Variants in COL7A1 observed in about 807,000 individuals in gnomAD.
COL7A1 encodes the protein collagen type VII alpha 1 chain.
A neutral mutation model predicts 456.2 loss-of-function variants in COL7A1; 296 were observed. The ratio of observed to expected loss-of-function variants is 0.65; its 90% CI spans 0.59 to 0.71. The LOEUF (loss-of-function observed/expected upper bound fraction) is 0.71, where lower values mean the gene tolerates loss of function less well. Ranked by LOEUF, COL7A1 falls within the 30% of genes least tolerant of loss-of-function variation. The pLI, the probability that COL7A1 is intolerant of heterozygous loss-of-function variation, is 0.00. For synonymous variants in COL7A1, 1,464 were observed against 1,525.9 expected, an observed-to-expected ratio of 0.96 and a Z score of 0.95; for missense variants, 3,441 against 4,017.2, an observed-to-expected ratio of 0.86 and a Z score of 3.88.
chr3:48,564,256 G>A lies in COL7A1; in HGVS notation c.*150C>T. On this transcript the variant is annotated 3_prime_UTR_variant, in exon 119 of 119. Coordinates refer to ENST00000681320, the MANE Select transcript of COL7A1 (RefSeq NM_000094.4). The surrounding 1 kb of genome is among the most constrained non-coding windows in gnomAD (Gnocchi z 6.0). The stretch of plus-strand genomic sequence containing the variant: ...GGTTTGTCCACAGGGGGGAAGGCTA[G>A]ACCCACGGGACCAAGTCACTGAAAT... 1.0e-6 allele frequency: 1 copy of A among 955,156 alleles called. No homozygotes were observed. The highest frequency in any genetic ancestry group is 2.6e-5 in the East Asian group (1 of 38,382). 59.2% of individuals were successfully genotyped at this position (955,156 alleles called of 1,614,324 possible).
At position 48,580,722 on chromosome 3, in the gene COL7A1, T is replaced by C. The variant is rs748859103; in HGVS notation, c.4981-70A>G. On this transcript the variant is annotated intron_variant, in intron 54 of 118. Coordinates refer to ENST00000681320, the MANE Select transcript of COL7A1 (RefSeq NM_000094.4). This position sits in a 1 kb window ranked among gnomAD's most constrained non-coding sequence, Gnocchi z 4.5. ...CAGGTGCCCCTATGACCCGCTACAC[T>C]GCCCCAGGTTCCCCATTACTCCAAA... is the stretch of plus-strand genomic sequence containing the variant. 2.8e-5 allele frequency: 44 copies of C among 1,581,512 alleles called. No individual in the cohort carries two copies. Among genetic ancestry groups the C allele is most frequent in the African/African-American group, 5.4e-5 (4 of 74,016 alleles).
rs1169573241 is a variant in COL7A1 at position 48,590,936 on chromosome 3, T to C, written c.1637-120A>G. 1.4e-6 allele frequency: 1 copy of C among 707,082 alleles called. No homozygotes were observed. The highest frequency in any genetic ancestry group is 2.2e-5 in the Admixed American group (1 of 46,466). 43.8% of individuals were successfully genotyped at this position (707,082 alleles called of 1,614,324 possible). Reference sequence around the variant, plus strand: ...CCATGGGGGTGGGGATGTGGGGTGGTGGGGACCAGAGAGCTGGGATATGGC... The same window carrying C: ...CCATGGGGGTGGGGATGTGGGGTGGCGGGGACCAGAGAGCTGGGATATGGC... On this transcript the variant is annotated intron_variant, in intron 13 of 118. Transcript: ENST00000681320. This position sits in a 1 kb window ranked among gnomAD's most constrained non-coding sequence, Gnocchi z 4.6.
chr3:48,589,857 G>T, intron 16 of COL7A1, 139 bp from the exon 17 acceptor site: 1 of 1,236,188 alleles, frequency 8.1e-7, no homozygotes, highest in East Asian at 2.4e-5. Context: ...TGGAGGAGTG[G>T]GGAGGTGGAG....
Position 48,564,504 on chromosome 3 carries a change from G to A in COL7A1, c.8819-82C>T. The A allele has an allele frequency of 6.4e-7, 1 of 1,550,888 alleles. No homozygotes were observed. On this transcript the variant is annotated intron_variant, in intron 118 of 118. Coordinates refer to ENST00000681320, the MANE Select transcript of COL7A1 (RefSeq NM_000094.4). This position sits in a 1 kb window ranked among gnomAD's most constrained non-coding sequence, Gnocchi z 6.0. The stretch of plus-strand genomic sequence containing the variant: ...CAGGCAGAGGCACCGCCAAGGGGAG[G>A]GAGCGGAGGCTACAACAGGAAGTGG...
At position 48,592,920 on chromosome 3, in the gene COL7A1, G is replaced by A. The variant is rs2045810928; in HGVS notation, c.701C>T (p.Ala234Val). The A allele has an allele frequency of 6.2e-7, 1 of 1,613,940 alleles. No individual in the cohort carries two copies. The highest frequency in any genetic ancestry group is 8.5e-7 in the Non-Finnish European group (1 of 1,180,012). ...CTCAGACAGCACCAGGTCTCGTGGA[G>A]CAGAGGTCGAGTCATCCGCTGGGAA... ...VTRPPDDSTSAPRDLVLSEPS... is the reference protein window; with the variant it reads ...VTRPPDDSTSVPRDLVLSEPS... Residue 234 changes from alanine (A) to valine (V), a missense_variant, in exon 7 of 119, where the codon GCT becomes GTT. Ala to Val is a moderately conservative substitution (Grantham distance 64). Transcript: ENST00000681320. This position sits in a 1 kb window ranked among gnomAD's most constrained non-coding sequence, Gnocchi z 7.6.
Position 48,579,096 on chromosome 3 carries a change from G to A in COL7A1, c.5388+101C>T, listed in dbSNP as rs2044537242. 10 of 1,560,480 alleles carry A rather than the reference G, an allele frequency of 6.4e-6. No homozygotes were observed. ...GACACAGACAACAGGTCTCGCCCCA[G>A]AGCTCGTCAAGGCCAAGACCAACCA... is the stretch of plus-strand genomic sequence containing the variant. On this transcript the variant is annotated intron_variant, in intron 62 of 118. Coordinates refer to ENST00000681320, the MANE Select transcript of COL7A1 (RefSeq NM_000094.4). This position sits in a 1 kb window ranked among gnomAD's most constrained non-coding sequence, Gnocchi z 4.4.
In COL7A1 at chr3:48,567,446, C is replaced by A. The variant is rs1036856674; in HGVS notation, c.8046+128G>T. On this transcript the variant is annotated intron_variant, in intron 109 of 118. Transcript: ENST00000681320. This position sits in a 1 kb window ranked among gnomAD's most constrained non-coding sequence, Gnocchi z 4.3. ...ACCCACCTTGACACCTCGAGACCAG[C>A]CCCACTTCAGCCCCCAAAGTCCCAA... 6.7e-6 allele frequency: 9 copies of A among 1,352,480 alleles called. No individual in the cohort carries two copies. In the African/African-American group the frequency reaches 8.6e-5, roughly 13 times the overall value. The allele number at this position is 1,352,480 out of a possible 1,614,324, so 83.8% of individuals were successfully genotyped here. A position where few individuals can be genotyped will look rare whatever the true frequency, so the allele number is the denominator to read the frequency against.
At position 48,592,640 on chromosome 3, in the gene COL7A1, C is replaced by G; in HGVS notation, c.906G>C (p.Glu302Asp). The G allele has an allele frequency of 6.2e-7, 1 of 1,613,994 alleles. No homozygotes were observed. The highest frequency in any genetic ancestry group is 8.5e-7 in the Non-Finnish European group (1 of 1,180,018). Residue 302 changes from glutamate to aspartate, a missense_variant, in exon 8 of 119, where the codon GAG (glutamate) becomes GAC (aspartate). Coordinates refer to ENST00000681320, the MANE Select transcript of COL7A1 (RefSeq NM_000094.4). The surrounding 1 kb of genome is among the most constrained non-coding windows in gnomAD (Gnocchi z 7.6). ...AGAGGGCAATCACAGTCACTTGGTA[C>G]TCGGTCAGTGGCCGGAGACCCCGCA... ...VRLRGLRPLTEYQVTVIALYA... is the reference protein window; with the variant it reads ...VRLRGLRPLTDYQVTVIALYA...
In COL7A1 at chr3:48,580,258, A is replaced by T; in HGVS notation, c.5097+42T>A. On this transcript the variant is annotated intron_variant, in intron 56 of 118. Coordinates refer to ENST00000681320, the MANE Select transcript of COL7A1 (RefSeq NM_000094.4). This position sits in a 1 kb window ranked among gnomAD's most constrained non-coding sequence, Gnocchi z 4.5. ...GGCACACTGGCAGCAGCGCCAGGGG[A>T]CCCTCCATCCCTTCTGAGCCCAGGA... is the stretch of plus-strand genomic sequence containing the variant. 2 of 1,601,784 alleles carry T rather than the reference A, an allele frequency of 1.2e-6. No individual in the cohort carries two copies. The highest frequency in any genetic ancestry group is 4.5e-5 in the East Asian group (2 of 44,462).
In COL7A1 at chr3:48,582,339, C is replaced by G; in HGVS notation, c.4619G>C (p.Gly1540Ala). Residue 1540 changes from glycine (G) to alanine (A), a missense_variant, in exon 47 of 119, where the codon GGG becomes GCG. Gly to Ala is a moderately conservative substitution (Grantham distance 60). This residue lies in a region of COL7A1 where 2,084 missense variants were observed against 2,501.3 expected (regional missense o/e 0.83). Transcript: ENST00000681320. ...QGEKGEPGRP[G>A]DPAVVGPAVA... Reference sequence around the variant, plus strand: ...GTCACTCACCACCACTGCAGGGTCCCCAGGGCGACCAGGCTCCCCCTGTGG... The same window carrying G: ...GTCACTCACCACCACTGCAGGGTCCGCAGGGCGACCAGGCTCCCCCTGTGG... 2 of 1,613,976 alleles carry G rather than the reference C, an allele frequency of 1.2e-6. No individual in the cohort carries two copies. Among genetic ancestry groups the G allele is most frequent in the Non-Finnish European group, 1.7e-6 (2 of 1,179,988 alleles).
rs2044350549 is a variant in COL7A1 at position 48,576,922 on chromosome 3, A to G, written c.5569-3T>C. 6.2e-7 allele frequency: 1 copy of G among 1,613,926 alleles called. No individual in the cohort carries two copies. The highest frequency in any genetic ancestry group is 8.5e-7 in the Non-Finnish European group (1 of 1,179,976). On this transcript the variant is annotated splice_polypyrimidine_tract_variant and splice_region_variant and intron_variant, in intron 66 of 118. Coordinates refer to ENST00000681320, the MANE Select transcript of COL7A1 (RefSeq NM_000094.4). Reference sequence around the variant, plus strand: ...GCGCCTGAATCTCCTTTCTCTCCCTAAGGAAGACAAGGATGCTTCAGGCAT... The same window carrying G: ...GCGCCTGAATCTCCTTTCTCTCCCTGAGGAAGACAAGGATGCTTCAGGCAT...
chr3:48,586,772 G>T lies in COL7A1; in HGVS notation c.3277-83C>A, dbSNP rs528186817. 6.5e-7 allele frequency: 1 copy of T among 1,530,900 alleles called. No individual in the cohort carries two copies. Among genetic ancestry groups the T allele is most frequent in the South Asian group, 1.2e-5 (1 of 82,422 alleles). The allele number at this position is 1,530,900 out of a possible 1,614,324, so 94.8% of individuals were successfully genotyped here. ...ACAGAGCCTGGAGAAACACATCAGG[G>T]TGTGTGTGACCAAACCCTATCTATT... On this transcript the variant is annotated intron_variant, in intron 25 of 118. Coordinates refer to ENST00000681320, the MANE Select transcript of COL7A1 (RefSeq NM_000094.4). The surrounding 1 kb of genome is among the most constrained non-coding windows in gnomAD (Gnocchi z 5.1).
chr3:48,579,115 C>T lies in COL7A1; in HGVS notation c.5388+82G>A. ...GCCCCAGAGCTCGTCAAGGCCAAGA[C>T]CAACCAATGAGGCTGGGGTCTAGGG... is the stretch of plus-strand genomic sequence containing the variant. On this transcript the variant is annotated intron_variant, in intron 62 of 118. Coordinates refer to ENST00000681320, the MANE Select transcript of COL7A1 (RefSeq NM_000094.4). This position sits in a 1 kb window ranked among gnomAD's most constrained non-coding sequence, Gnocchi z 4.4. 1 of 1,576,298 alleles carries T rather than the reference C, an allele frequency of 6.3e-7. No homozygotes were observed. The highest frequency in any genetic ancestry group is 8.7e-7 in the Non-Finnish European group (1 of 1,148,530).
Position 48,569,429 on chromosome 3 carries a change from C to T in COL7A1, c.7632G>A (p.Arg2544=), listed in dbSNP as rs748960277. ...GAGGTCCTTTGTCACCATCCAAGCC[C>T]CGAGGCCCTCGTTCACCCTGGGTTG... The part of the protein sequence containing the change: ...AKGDMGERGP[R]GLDGDKGPRG... The change falls in exon 103 of 119, where the codon CGG becomes CGA. Residue 2544 remains arginine, a synonymous_variant. Coordinates refer to ENST00000681320, the MANE Select transcript of COL7A1 (RefSeq NM_000094.4). The surrounding 1 kb of genome is among the most constrained non-coding windows in gnomAD (Gnocchi z 4.9). 3 of 1,614,144 alleles carry T rather than the reference C, an allele frequency of 1.9e-6. No homozygotes were observed. In the South Asian group the frequency reaches 3.3e-5, roughly 18 times the overall value.
chr3:48,585,712 G>A lies in COL7A1; in HGVS notation c.3809C>T (p.Pro1270Leu), dbSNP rs145068043. The part of the protein sequence containing the change: ...GEMGLRGQVG[P>L]PGDPGLPGRT... Reference sequence around the variant, plus strand: ...CACCGGGAGGCCAGGGTCGCCAGGAGGCCCAACTTGTCCTCTCAGGCCCTA... The same window carrying A: ...CACCGGGAGGCCAGGGTCGCCAGGAAGCCCAACTTGTCCTCTCAGGCCCTA... The change falls in exon 31 of 119, where the codon CCT becomes CTT. Residue 1270 changes from proline to leucine, a missense_variant. Pro to Leu is a moderately conservative substitution (Grantham distance 98). Coordinates refer to ENST00000681320, the MANE Select transcript of COL7A1 (RefSeq NM_000094.4). The surrounding 1 kb of genome is among the most constrained non-coding windows in gnomAD (Gnocchi z 4.5). 613 of 1,614,026 alleles carry A rather than the reference G, an allele frequency of 3.8e-4. 4 individuals carry two copies. The East Asian group carries it at 4.4e-3, about 12-fold the overall frequency.
At position 48,582,050 on chromosome 3, in the gene COL7A1, C is replaced by A. The variant is rs181362445; in HGVS notation, c.4636-107G>T. Reference sequence around the variant, plus strand: ...GGAATTGGAAGTCATACAGCTCAGTCCCCGCCCAGAAGTCACAGAGTCACC... The same window carrying A: ...GGAATTGGAAGTCATACAGCTCAGTACCCGCCCAGAAGTCACAGAGTCACC... On this transcript the variant is annotated intron_variant, in intron 47 of 118. Coordinates refer to ENST00000681320, the MANE Select transcript of COL7A1 (RefSeq NM_000094.4). The A allele has an allele frequency of 1.3e-4, 199 of 1,516,232 alleles. No individual in the cohort carries two copies. The African/African-American group carries it at 2.4e-3, about 18-fold the overall frequency. 93.9% of individuals were successfully genotyped at this position (1,516,232 alleles called of 1,614,324 possible). A position where few individuals can be genotyped will look rare whatever the true frequency, so the allele number is the denominator to read the frequency against.
Position 48,574,471 on chromosome 3 carries a change from G to A in COL7A1, c.6456+17C>T. ...GCCACCTTCTTGCACATGTGTGGCT[G>A]TTGGGCAAGGACTTACCGGGTTGCC... On this transcript the variant is annotated intron_variant, in intron 79 of 118. Transcript: ENST00000681320. The surrounding 1 kb of genome is among the most constrained non-coding windows in gnomAD (Gnocchi z 5.0). The A allele has an allele frequency of 1.2e-6, 2 of 1,614,136 alleles. No homozygotes were observed. Among genetic ancestry groups the A allele is most frequent in the Non-Finnish European group, 1.7e-6 (2 of 1,180,032 alleles).
Position 48,572,485 on chromosome 3 carries a change from A to C in COL7A1, c.6936+18T>G, listed in dbSNP as rs996702516. ...CACCAGTTGACCCCCCCTCACTGGC[A>C]GCCCCACACACACTCACCTTCTCTC... On this transcript the variant is annotated intron_variant, in intron 89 of 118. Coordinates refer to ENST00000681320, the MANE Select transcript of COL7A1 (RefSeq NM_000094.4). This position sits in a 1 kb window ranked among gnomAD's most constrained non-coding sequence, Gnocchi z 4.6. 3.1e-6 allele frequency: 5 copies of C among 1,611,834 alleles called. No homozygotes were observed. The highest frequency in any genetic ancestry group is 3.3e-4 in the Middle Eastern group (2 of 6,052).
rs746412369 is a variant in COL7A1 at position 48,583,986 on chromosome 3, G to A, written c.4225-33C>T. ...AGAACAGCAGGTCAGGGAATGAACA[G>A]GGGAATCAGACTCCAAGCCACCCCT... On this transcript the variant is annotated intron_variant, in intron 38 of 118. Coordinates refer to ENST00000681320, the MANE Select transcript of COL7A1 (RefSeq NM_000094.4). The surrounding 1 kb of genome is among the most constrained non-coding windows in gnomAD (Gnocchi z 5.1). 5.6e-6 allele frequency: 9 copies of A among 1,613,930 alleles called. No homozygotes were observed. In the Admixed American group the frequency reaches 1.3e-4, roughly 24 times the overall value.
Sources: gnomAD v4.1 joint callset for allele counts on GRCh38, gnomAD v4.1.1 for gene constraint, gnomAD v4.1.1 regional missense constraint, Gnocchi (gnomAD v3.1) non-coding constraint, MANE v1.5 for transcripts, NCBI Gene and HGNC (gene_info 2026-07-23, HGNC 2026-07-21) for gene names.